Variants in FBXO34 observed in about 807,000 individuals in gnomAD.
FBXO34 encodes the protein F-box protein 34.
In FBXO34, 12 loss-of-function variants were observed where a neutral mutation model predicts 24.5. That is an observed-to-expected ratio of 0.49 (90% CI 0.31 to 0.79). The LOEUF (loss-of-function observed/expected upper bound fraction) is 0.79. FBXO34 is among the 30% of genes least tolerant of loss of function. The probability of loss-of-function intolerance (pLI) is 0.04; values close to 1 mark genes in which losing one functional copy is unlikely to be tolerated. For missense variants in FBXO34, 823 were observed against 857.7 expected (o/e 0.96, Z 0.51); for synonymous variants, 320 against 311.9 (o/e 1.03, Z -0.27).
chr14:55,360,710 T>C (rs986037495), intron 3 of FBXO34, among the ~76,000 whole-genome samples: 1 of 152,088 alleles, frequency 6.6e-6, no homozygotes, highest in Non-Finnish European at 1.5e-5. Context: ...TTAATGTTGA[T>C]ATTTTGGCCG....
rs75699052 is a variant in FBXO34, at chr14:55,340,030, A to G, written c.-10-10351A>G. Among the ~76,000 whole-genome samples, 26 of 152,290 alleles carry G rather than the reference A, an allele frequency of 1.7e-4. 1 individual carries two copies. In the East Asian group the frequency reaches 4.8e-3, roughly 28 times the overall value. On this transcript the variant is annotated intron_variant, in intron 1 of 1. Coordinates refer to ENST00000313833, the MANE Select transcript of FBXO34 (RefSeq NM_017943.4). The stretch of plus-strand genomic sequence containing the variant: ...TGCTGACAGAAGTCTTAACTTGCCA[A>G]GTCTTTTGTCTACATTGATGCTATA...
chr14:55,298,929 A>G lies in FBXO34; in HGVS notation c.-11+27392A>G, dbSNP rs994696231. ...CAACACCAATACCGAGGTGCTCAAG[A>G]ACATGGGCTCTGCAGCCAAGGCCAA... On this transcript the variant is annotated intron_variant, in intron 1 of 1. Transcript: ENST00000313833. 102 of 1,579,702 alleles carry G rather than the reference A, an allele frequency of 6.5e-5. 1 individual carries two copies. Among genetic ancestry groups the G allele is most frequent in the Non-Finnish European group, 1.3e-5 (15 of 1,148,460 alleles).
chr14:55,311,074 C>A (rs977364563), intron 1 of FBXO34, among the ~76,000 whole-genome samples: 3 of 152,162 alleles, frequency 2.0e-5, no homozygotes, highest in Admixed American at 2.0e-4. Flanking sequence ...TGCAAAAAAA[C>A]TGCCTGAGAC....
intron 1 of FBXO34, among the ~76,000 whole-genome samples, chr14:55,300,312 GC>G: frequency 6.6e-6 from 1 of 152,256 alleles, no homozygotes; most frequent in East Asian, 1.9e-4. Flanking sequence ...CCACGTTGTG[GC>G]CGGGCGAGGT....
intron 1 of FBXO34, among the ~76,000 whole-genome samples, chr14:55,338,584 A>T (rs1011477571): frequency 1.1e-4 from 16 of 152,086 alleles, no homozygotes; most frequent in Non-Finnish European, 2.2e-4. Flanking sequence ...TTTACCTTTT[A>T]TCTCTAGCTC....
At position 55,299,060 on chromosome 14, in the gene FBXO34, A is replaced by AC. The variant is rs1882247046; in HGVS notation, c.-11+27525dup. On this transcript the variant is annotated intron_variant, in intron 1 of 1. Transcript: ENST00000313833. ...AGGAGATTTCAACAGCAATTTCGAA[A>AC]CCTGTAGGGTTTGGAGAAAAGTCTG... 3.2e-6 allele frequency: 5 copies of AC among 1,573,374 alleles called. No individual in the cohort carries two copies. In the African/African-American group the frequency reaches 6.7e-5, roughly 21 times the overall value.
At chr14:55,276,559 C>A (rs1022596180) in intron 1 of FBXO34, among the ~76,000 whole-genome samples, 5 of 152,144 alleles carry the variant, frequency 3.3e-5, no homozygotes, top group African/African-American at 1.2e-4. Context: ...TAGCCGGCGA[C>A]CGAGAGACGG....
chr14:55,338,735 C>T (rs995119911), intron 1 of FBXO34, among the ~76,000 whole-genome samples: 15 of 151,574 alleles, frequency 9.9e-5, no homozygotes, highest in African/African-American at 3.6e-4. Flanking sequence ...GGTGAAACCC[C>T]ATCTACTAAA....
chr14:55,324,926 A>G (rs1472150677), intron 1 of FBXO34, among the ~76,000 whole-genome samples: 4 of 152,170 alleles, frequency 2.6e-5, no homozygotes, highest in African/African-American at 9.7e-5. Context: ...GAGTCTGATG[A>G]GGGCCTGCAT....
intron 1 of FBXO34, among the ~76,000 whole-genome samples, chr14:55,317,480 CA>C (rs751787937): frequency 1.3e-5 from 2 of 149,796 alleles, no homozygotes; most frequent in South Asian, 2.1e-4. Flanking sequence ...GACCCTGTCT[CA>C]AAAAAAACAA....
chr14:55,433,379 C>T, the FBXO34 span, among the ~76,000 whole-genome samples: 1 of 146,666 alleles, frequency 6.8e-6, no homozygotes, highest in Admixed American at 6.9e-5. Context: ...TCTCAAACTC[C>T]TGGGCTCAAG....
intron 1 of FBXO34, among the ~76,000 whole-genome samples, chr14:55,323,124 G>T (rs1292353968): frequency 1.6e-5 from 2 of 126,246 alleles, no homozygotes; most frequent in African/African-American, 6.0e-5. Flanking sequence ...GGCAGAGCTT[G>T]CAGTGACCTG....
intron 1 of FBXO34, among the ~76,000 whole-genome samples, chr14:55,345,593 C>T (rs1010128530): frequency 2.0e-5 from 3 of 152,218 alleles, no homozygotes; most frequent in African/African-American, 7.2e-5. Flanking sequence ...TGCTATCCTT[C>T]TGACACATAT....
intron 1 of FBXO34, among the ~76,000 whole-genome samples, chr14:55,325,674 C>T (rs1221881071): frequency 6.6e-6 from 1 of 152,112 alleles, no homozygotes; most frequent in Non-Finnish European, 1.5e-5. Context: ...GGGGTTTCTC[C>T]ATGTTGGTCA....
intron 1 of FBXO34, among the ~76,000 whole-genome samples, chr14:55,309,367 C>G (rs1203699017): frequency 6.6e-6 from 1 of 152,078 alleles, no homozygotes; most frequent in African/African-American, 2.4e-5. Context: ...GAACGATGGG[C>G]TATGATTGTG....
chr14:55,331,908 A>AAT (rs1470253258), intron 1 of FBXO34, among the ~76,000 whole-genome samples: 19 of 82,642 alleles, frequency 2.3e-4, no homozygotes, highest in South Asian at 3.6e-4. Flanking sequence ...TATATATAAA[A>AAT]ATATATATAT....
At chr14:55,316,804 G>GCT (rs1882946423) in intron 1 of FBXO34, among the ~76,000 whole-genome samples, 1 of 151,724 alleles carries the variant, frequency 6.6e-6, no homozygotes, top group East Asian at 1.9e-4. Context: ...AAAGTCCACG[G>GCT]CTCTGCATGA....
intron 1 of FBXO34, among the ~76,000 whole-genome samples, chr14:55,303,173 C>T (rs567484347): frequency 6.6e-6 from 1 of 151,784 alleles, no homozygotes; most frequent in Non-Finnish European, 1.5e-5. Flanking sequence ...TTGAGTGCCT[C>T]CCTGTGTGTT....
At chr14:55,435,704 G>T in the FBXO34 span, 1 of 575,756 alleles carries the variant, frequency 1.7e-6, no homozygotes, top group Non-Finnish European at 3.0e-6. Context: ...ACTCAAAACA[G>T]ATATTAACCC....
Sources: allele counts gnomAD v4.1 joint callset (sites outside exome capture counted in the v4.1 genomes callset), GRCh38; gene constraint gnomAD v4.1.1; transcripts MANE v1.5; gene names NCBI Gene and HGNC (gene_info 2026-07-23, HGNC 2026-07-21).